CPLANE1: variants seen among roughly 807,000 people sequenced by gnomAD.
CPLANE1 encodes ciliogenesis and planar polarity effector complex subunit 1, also known as ciliogenesis and planar polarity effector 1.
CPLANE1 carries 263 observed loss-of-function variants against 362.5 expected under a neutral mutation model. The ratio of observed to expected loss-of-function variants is 0.73; its 90% confidence interval spans 0.66 to 0.80. The LOEUF (loss-of-function observed/expected upper bound fraction) is 0.80, where lower values mean the gene tolerates loss of function less well. CPLANE1 is among the 30% of genes least tolerant of loss of function. The pLI, the probability that CPLANE1 is intolerant of heterozygous loss-of-function variation, is 0.00. For synonymous variants in CPLANE1, 1,212 were observed against 1,302.6 expected, an observed-to-expected ratio of 0.93 and a Z score of 1.50; for missense variants, 3,461 against 3,793.4, an observed-to-expected ratio of 0.91 and a Z score of 2.30.
At chr5:37,171,255 T>C (rs1779719511) in intron 32 of CPLANE1, among the ~76,000 whole-genome samples, 1 of 152,188 alleles carries the variant, frequency 6.6e-6, no homozygotes, top group Non-Finnish European at 1.5e-5. Context: ...GACATTGGCT[T>C]AGCTGGAACA....
At chr5:37,219,332 A>G (rs1794849364) in intron 15 of CPLANE1, among the ~76,000 whole-genome samples, 1 of 152,128 alleles carries the variant, frequency 6.6e-6, no homozygotes, top group African/African-American at 2.4e-5. Flanking sequence ...GTTTGAGACC[A>G]GCCTGACCAA....
At chr5:37,168,698 G>T in intron 34 of CPLANE1, 93 bp downstream of exon 34, 2 of 1,044,186 alleles carry the variant, frequency 1.9e-6, no homozygotes, top group Middle Eastern at 2.4e-4. Context: ...ATTTTTTTAT[G>T]TACAAGAGCT....
rs762591555 is a variant in CPLANE1, at chr5:37,198,748, T to C, written c.3626A>G (p.Gln1209Arg). The C allele has an allele frequency of 3.1e-6, 5 of 1,614,020 alleles. No individual in the cohort carries two copies. The Admixed American group carries it at 6.7e-5, about 22-fold the overall frequency. The change falls in exon 20 of 53, where the codon CAG becomes CGG. Residue 1209 changes from glutamine (Q) to arginine (R), a missense_variant. Transcript: ENST00000651892. ...CCACCTCAACTGCAATATATACCAC[T>C]GTGCTACAGGAAAAGAACACTGAGC... ...RAAQCSFPVA[Q>R]WYILQLRWAR... is the part of the protein sequence containing the mutation.
chr5:37,230,934 T>C lies in CPLANE1; in HGVS notation c.1054A>G (p.Thr352Ala), dbSNP rs1188032768. The C allele has an allele frequency of 3.9e-6, 6 of 1,550,592 alleles. No homozygotes were observed. Among genetic ancestry groups the C allele is most frequent in the Middle Eastern group, 1.7e-4 (1 of 6,012 alleles). ...CCAAATTCTATAGAGCAACCAAATG[T>C]AATTAATGTTAGCAATTCACCTTGG... is the stretch of plus-strand genomic sequence containing the variant. ...TCQGELLTLI[T>A]FGCSIEFGPA... The change falls in exon 9 of 53, where the codon ACA becomes GCA. Residue 352 changes from threonine (T) to alanine (A), a missense_variant. Physicochemically the swap from Thr to Ala is moderately conservative, Grantham distance 58. Around this residue, in one of 2 missense-constraint regions of CPLANE1, gnomAD observed 3,380 missense variants for 3,666.1 expected, o/e 0.92. Coordinates refer to ENST00000651892, the MANE Select transcript of CPLANE1 (RefSeq NM_001384732.1).
chr5:37,117,928 A>T (rs774741635), intron 50 of CPLANE1, among the ~76,000 whole-genome samples: 1 of 152,260 alleles, frequency 6.6e-6, no homozygotes, highest in Non-Finnish European at 1.5e-5. Context: ...TTTTCATCAG[A>T]TGTTAAGAAA....
chr5:37,178,338 G>C (rs1781761942), intron 29 of CPLANE1, among the ~76,000 whole-genome samples: 1 of 151,852 alleles, frequency 6.6e-6, no homozygotes, highest in South Asian at 2.1e-4. Flanking sequence ...ACAACAGATA[G>C]GGCACGGTGG....
chr5:37,231,076 T>G, intron 8 of CPLANE1, 27 bp from the exon 9 acceptor site: 2 of 1,445,460 alleles, frequency 1.4e-6, no homozygotes, highest in Non-Finnish European at 1.8e-6. Context: ...ACAACATGTT[T>G]AGAAGAGATA....
rs540993852 is a variant in CPLANE1, at chr5:37,119,933, G to A, written c.9310+283C>T. Among the ~76,000 whole-genome samples, 5 of 151,900 alleles carry A rather than the reference G, an allele frequency of 3.3e-5. No individual in the cohort carries two copies. In the South Asian group the frequency reaches 1.0e-3, roughly 32 times the overall value. On this transcript the variant is annotated intron_variant, in intron 50 of 52. Coordinates refer to ENST00000651892, the MANE Select transcript of CPLANE1 (RefSeq NM_001384732.1). ...ACCTGGGAGGCAGAGCTTGCAGTGA[G>A]CCAAGATCTCGCCACTGCACTCCAG...
At chr5:37,083,194 C>T in the CPLANE1 span, among the ~76,000 whole-genome samples, 5 of 152,158 alleles carry the variant, frequency 3.3e-5, no homozygotes, top group Admixed American at 6.5e-5. Flanking sequence ...CACTTCAGCT[C>T]GGCTCTCAGG....
chr5:37,206,103 G>A, intron 17 of CPLANE1, 94 bp downstream of exon 17: 1 of 864,018 alleles, frequency 1.2e-6, no homozygotes, highest in Non-Finnish European at 1.8e-6. Flanking sequence ...GCTGAACTAA[G>A]GATTCCACAT....
chr5:37,222,247 G>A (rs1795515047), intron 14 of CPLANE1, among the ~76,000 whole-genome samples: 1 of 152,160 alleles, frequency 6.6e-6, no homozygotes, highest in African/African-American at 2.4e-5. Context: ...AGATAACATT[G>A]TATGCAATTT....
the CPLANE1 span, among the ~76,000 whole-genome samples, chr5:37,081,588 G>A: frequency 4.3e-3 from 657 of 152,074 alleles, 1 homozygote; most frequent in African/African-American, 0.015. Flanking sequence ...CTCCCAAAGC[G>A]CTGGGATTAC....
At chr5:37,213,510 T>A (rs1793210285) in intron 16 of CPLANE1, 49 bp downstream of exon 16, 1 of 1,299,806 alleles carries the variant, frequency 7.7e-7, no homozygotes, top group African/African-American at 1.5e-5. Flanking sequence ...AAATATTATA[T>A]TATGTGCAAT....
rs1403760230 is a variant in CPLANE1 at position 37,226,940 on chromosome 5, G to GT, written c.1654dup (p.Thr552AsnfsTer7). 25 of 1,551,658 alleles carry GT rather than the reference G, an allele frequency of 1.6e-5. No homozygotes were observed. Among genetic ancestry groups the GT allele is most frequent in the Non-Finnish European group, 1.6e-5 (18 of 1,146,990 alleles). The stretch of plus-strand genomic sequence containing the variant: ...CTCACTATCATCCTTTGCATGTATC[G>GT]TATCAAACATAGATGCAAATTCCAA... On this transcript the variant is annotated frameshift_variant, in exon 12 of 53. Coordinates refer to ENST00000651892, the MANE Select transcript of CPLANE1 (RefSeq NM_001384732.1).
At chr5:37,158,379 C>CA (rs753097890) in intron 38 of CPLANE1, 34 bp from the exon 39 acceptor site, 25 of 1,580,498 alleles carry the variant, frequency 1.6e-5, no homozygotes, top group Middle Eastern at 1.7e-4. Flanking sequence ...CAGGAACATT[C>CA]AAAAAAAGGC....
At chr5:37,244,689 AAT>A in intron 4 of CPLANE1, 82 bp from the exon 5 acceptor site, 1 of 828,168 alleles carries the variant, frequency 1.2e-6, no homozygotes, top group Non-Finnish European at 1.9e-6. Flanking sequence ...GTATTCTTAC[AAT>A]AAAAAAAAAA....
intron 5 of CPLANE1, among the ~76,000 whole-genome samples, chr5:37,243,782 C>T (rs1490648156): frequency 6.9e-6 from 1 of 144,792 alleles, no homozygotes; most frequent in Admixed American, 7.0e-5. Flanking sequence ...ATGTTATATA[C>T]ATATATAATA....
intron 26 of CPLANE1, 130 bp downstream of exon 26, chr5:37,182,630 C>T: frequency 3.1e-6 from 2 of 654,028 alleles, no homozygotes; most frequent in Non-Finnish European, 4.9e-6. Flanking sequence ...ATAGGAGATA[C>T]TGATTATAAT....
At chr5:37,244,708 A>C in intron 4 of CPLANE1, 101 bp from the exon 5 acceptor site, 7 of 751,036 alleles carry the variant, frequency 9.3e-6, no homozygotes, top group Non-Finnish European at 1.5e-5. Context: ...AAAACAAATA[A>C]TGTTACCATT....
Sources: allele counts gnomAD v4.1 joint callset (sites outside exome capture counted in the v4.1 genomes callset), GRCh38; gene constraint gnomAD v4.1.1; regional missense constraint gnomAD v4.1.1; transcripts MANE v1.5; gene names NCBI Gene and HGNC (gene_info 2026-07-23, HGNC 2026-07-21).